TBX15: variants seen among roughly 807,000 people sequenced by gnomAD.
TBX15 encodes T-box transcription factor 15.
Under a neutral mutation model 53.9 loss-of-function variants are expected in TBX15, and 18 were observed. The observed-to-expected ratio is 0.33, with a 90% CI of 0.23 to 0.49. The LOEUF is 0.49. Ranked by LOEUF, TBX15 falls within the 20% of genes least tolerant of loss-of-function variation. The pLI, the probability that TBX15 is intolerant of heterozygous loss-of-function variation, is 0.98. For synonymous variants in TBX15, 295 were observed against 278.0 expected, an observed-to-expected ratio of 1.06 and a Z score of -0.61; for missense variants, 692 against 749.5, an observed-to-expected ratio of 0.92 and a Z score of 0.90.
intron 1 of TBX15, among the ~76,000 whole-genome samples, chr1:118,964,287 C>T (rs544734836): frequency 7.9e-5 from 12 of 152,346 alleles, no homozygotes; most frequent in African/African-American, 2.6e-4. Flanking sequence ...TTTCCCCATT[C>T]CATGCTTTAG....
chr1:118,884,850 T>C lies in TBX15; in HGVS notation c.1691A>G (p.His564Arg), dbSNP rs142137699. ...ERQYLPSGMEHSMHMISPSPN... is the reference protein window; with the variant it reads ...ERQYLPSGMERSMHMISPSPN... Reference sequence around the variant, plus strand: ...TGAAGGGCTAATCATGTGCATGCTGTGCTCCATCCCTGACGGCAGGTACTG... The same window carrying C: ...TGAAGGGCTAATCATGTGCATGCTGCGCTCCATCCCTGACGGCAGGTACTG... The change falls in exon 8 of 8, where the codon CAC (histidine) becomes CGC (arginine). Residue 564 changes from histidine to arginine, a missense_variant. Transcript: ENST00000369429. 1.8e-4 allele frequency: 294 copies of C among 1,614,060 alleles called. No homozygotes were observed. Among genetic ancestry groups the C allele is most frequent in the Non-Finnish European group, 2.3e-4 (276 of 1,180,032 alleles).
Position 118,887,909 on chromosome 1 carries a change from CA to C in TBX15, c.1025-2394del, listed in dbSNP as rs569669548. Among the ~76,000 whole-genome samples, 343 of 152,204 alleles carry C rather than the reference CA, an allele frequency of 2.3e-3. 4 individuals are homozygous for C. Among genetic ancestry groups the C allele is most frequent in the East Asian group, 3.1e-3 (16 of 5,182 alleles). On this transcript the variant is annotated intron_variant, in intron 7 of 7. Coordinates refer to ENST00000369429, the MANE Select transcript of TBX15 (RefSeq NM_001330677.2). Reference sequence around the variant, plus strand: ...GCTGTTGTTATTATAATAGTTTCTTCAGAGGTAAATTTTGACAAAGCCTAAC... The same window carrying C: ...GCTGTTGTTATTATAATAGTTTCTTCGAGGTAAATTTTGACAAAGCCTAAC...
rs1245910896 is a variant in TBX15 at position 118,883,345 on chromosome 1, T to C, written c.*1387A>G. 4 of 152,548 alleles carry C rather than the reference T, an allele frequency of 2.6e-5. No individual in the cohort carries two copies. The highest frequency in any genetic ancestry group is 5.9e-5 in the Non-Finnish European group (4 of 68,040). 9.4% of individuals were successfully genotyped at this position (152,548 alleles called of 1,614,324 possible). A position where few individuals can be genotyped will look rare whatever the true frequency, so the allele number is the denominator to read the frequency against. On this transcript the variant is annotated 3_prime_UTR_variant, in exon 8 of 8. Transcript: ENST00000369429. ...CCAAGCTTCACTTGCTTTCTTACCA[T>C]TAAAAGATTTGAAGGGAAAGGGAAA...
chr1:118,919,778 A>G (rs945279680), intron 5 of TBX15, among the ~76,000 whole-genome samples: 2 of 152,148 alleles, frequency 1.3e-5, no homozygotes, highest in South Asian at 4.1e-4. Flanking sequence ...CCCTCCCATT[A>G]TTTGAGCAAT....
chr1:118,902,818 G>C (rs984491543), intron 6 of TBX15, among the ~76,000 whole-genome samples: 2 of 152,022 alleles, frequency 1.3e-5, no homozygotes, highest in African/African-American at 4.8e-5. Context: ...TCAGCCAGTT[G>C]GATGTCTAGT....
At chr1:118,950,014 G>A (rs1656465493) in intron 1 of TBX15, among the ~76,000 whole-genome samples, 1 of 152,176 alleles carries the variant, frequency 6.6e-6, no homozygotes, top group South Asian at 2.1e-4. Flanking sequence ...AGATACATTT[G>A]CATTTAAAAT....
In TBX15 at chr1:118,967,678, G is replaced by A. The variant is rs948256921; in HGVS notation, c.205+19913C>T. On this transcript the variant is annotated intron_variant, in intron 1 of 7. Transcript: ENST00000369429. ...TCACTTTTAAACTTGTGTTTTATTC[G>A]ATTTGGTGTTTCATTCAGGTCTAAA... Among the ~76,000 whole-genome samples, 12 of 152,310 alleles carry A rather than the reference G, an allele frequency of 7.9e-5. No individual in the cohort carries two copies. The South Asian group carries it at 2.1e-3, about 26-fold the overall frequency.
At chr1:118,981,722 A>G (rs1450592224) in intron 1 of TBX15, among the ~76,000 whole-genome samples, 1 of 152,102 alleles carries the variant, frequency 6.6e-6, no homozygotes. Context: ...ACTAAATCAT[A>G]TTTTCCACCT....
intron 1 of TBX15, among the ~76,000 whole-genome samples, chr1:118,939,911 G>A (rs879297503): frequency 1.3e-5 from 2 of 151,750 alleles, no homozygotes; most frequent in Admixed American, 1.3e-4. Context: ...CTTTAAAGTA[G>A]GCATTATTGC....
chr1:118,959,624 T>C (rs1386806388), intron 1 of TBX15, among the ~76,000 whole-genome samples: 1 of 152,162 alleles, frequency 6.6e-6, no homozygotes, highest in Non-Finnish European at 1.5e-5. Context: ...ACTAGCAAAA[T>C]ATAGAGCTTT....
In TBX15 at chr1:118,927,555, C is replaced by T. The variant is rs894919073; in HGVS notation, c.420-944G>A. On this transcript the variant is annotated intron_variant, in intron 2 of 7. Transcript: ENST00000369429. ...AATTTTCTGCAAGTTCTCAGGCTGT[C>T]AACGTGTGTGTCAGAGGAAGGACCC... 9.9e-5 allele frequency among the ~76,000 whole-genome samples: 15 copies of T among 152,226 alleles called. No individual in the cohort carries two copies. The East Asian group carries it at 2.9e-3, about 29-fold the overall frequency.
chr1:118,914,816 T>C (rs752917874), intron 5 of TBX15, among the ~76,000 whole-genome samples: 3 of 152,202 alleles, frequency 2.0e-5, no homozygotes, highest in Non-Finnish European at 4.4e-5. Flanking sequence ...AATGTGAGAC[T>C]GAATGGGGCA....
At chr1:118,902,641 G>T (rs1654669886) in intron 6 of TBX15, among the ~76,000 whole-genome samples, 1 of 152,152 alleles carries the variant, frequency 6.6e-6, no homozygotes, top group Admixed American at 6.5e-5. Flanking sequence ...TTGCGATTGT[G>T]CCTTTATTAA....
intron 1 of TBX15, among the ~76,000 whole-genome samples, chr1:118,970,834 T>G (rs1657214704): frequency 6.6e-6 from 1 of 152,198 alleles, no homozygotes; most frequent in African/African-American, 2.4e-5. Flanking sequence ...CCTGGTACCA[T>G]GTGGCTGAGC....
In TBX15 at chr1:118,977,923, C is replaced by T. The variant is rs566942201; in HGVS notation, c.205+9668G>A. ...GACTCAAATAGTAATGAGGGGGCAA[C>T]TGATTTTTATTAGCCCACCAATTCA... On this transcript the variant is annotated intron_variant, in intron 1 of 7. Transcript: ENST00000369429. 9.8e-5 allele frequency among the ~76,000 whole-genome samples: 15 copies of T among 152,318 alleles called. No homozygotes were observed. In the South Asian group the frequency reaches 2.7e-3, roughly 27 times the overall value.
chr1:118,927,005 T>C (rs2101601676), intron 2 of TBX15, among the ~76,000 whole-genome samples: 1 of 152,268 alleles, frequency 6.6e-6, no homozygotes. Context: ...ATTACAGGTG[T>C]GAGCCAATGC....
At chr1:118,954,661 C>T (rs1656618708) in intron 1 of TBX15, among the ~76,000 whole-genome samples, 1 of 152,164 alleles carries the variant, frequency 6.6e-6, no homozygotes, top group Non-Finnish European at 1.5e-5. Context: ...CAAGGGAGCT[C>T]AACTGCTTTC....
At chr1:118,898,191 C>T (rs1353643478) in intron 7 of TBX15, among the ~76,000 whole-genome samples, 1 of 152,184 alleles carries the variant, frequency 6.6e-6, no homozygotes, top group Non-Finnish European at 1.5e-5. Flanking sequence ...CTAGCCTAGA[C>T]CTAGTCTAAC....
chr1:118,964,832 C>T (rs1282372776), intron 1 of TBX15, among the ~76,000 whole-genome samples: 1 of 152,184 alleles, frequency 6.6e-6, no homozygotes, highest in Non-Finnish European at 1.5e-5. Context: ...GGGTCCCCCT[C>T]CAGGCTTTTC....
Sources: allele counts gnomAD v4.1 joint callset (sites outside exome capture counted in the v4.1 genomes callset), GRCh38; gene constraint gnomAD v4.1.1; transcripts MANE v1.5; gene names NCBI Gene and HGNC (gene_info 2026-07-23, HGNC 2026-07-21).